CNST: variants seen among roughly 807,000 people sequenced by gnomAD.
CNST encodes consortin.
In CNST, 39 loss-of-function variants were observed where a neutral mutation model predicts 72.4. The observed-to-expected ratio is 0.54, with a 90% CI of 0.42 to 0.70. The LOEUF (loss-of-function observed/expected upper bound fraction) is 0.70, where lower values mean the gene tolerates loss of function less well. Ranked by LOEUF, CNST falls within the 30% of genes least tolerant of loss-of-function variation. CNST has a pLI of 0.00. For synonymous variants in CNST, 332 were observed against 320.1 expected (o/e 1.04, Z -0.40); for missense variants, 871 against 868.5 (o/e 1.00, Z -0.04).
At chr1:246,623,650 T>C (rs1664230770) in intron 3 of CNST, among the ~76,000 whole-genome samples, 1 of 152,012 alleles carries the variant, frequency 6.6e-6, no homozygotes, top group Non-Finnish European at 1.5e-5. Flanking sequence ...TAGTCCCAGC[T>C]ACTCGAGAGG....
intron 8 of CNST, 109 bp downstream of exon 8, chr1:246,642,146 T>C: frequency 3.2e-6 from 2 of 618,170 alleles, no homozygotes; most frequent in Non-Finnish European, 2.6e-6. Context: ...TTTTTTTTTT[T>C]TTTTTTTTGC....
intron 9 of CNST, among the ~76,000 whole-genome samples, chr1:246,657,388 AATG>A (rs1238363474): frequency 6.6e-6 from 1 of 152,174 alleles, no homozygotes; most frequent in Non-Finnish European, 1.5e-5. Flanking sequence ...ACTGAAAGGA[AATG>A]ATGGAAAAGA....
intron 1 of CNST, 196 bp downstream of exon 1, chr1:246,566,859 T>C: frequency 2.6e-6 from 1 of 391,400 alleles, no homozygotes; most frequent in Non-Finnish European, 4.5e-6. Flanking sequence ...CTTTCTCAGC[T>C]ACTGTGGGTC....
chr1:246,633,586 C>CA (rs979045400), intron 4 of CNST, among the ~76,000 whole-genome samples: 10 of 151,492 alleles, frequency 6.6e-5, no homozygotes, highest in African/African-American at 2.4e-4. Flanking sequence ...ACTAAAAATA[C>CA]AAAAAAATCA....
chr1:246,578,360 C>T (rs1660564949), intron 1 of CNST, among the ~76,000 whole-genome samples: 2 of 152,214 alleles, frequency 1.3e-5, no homozygotes, highest in African/African-American at 4.8e-5. Flanking sequence ...GAAAATGTTT[C>T]AGTGTGGATT....
At chr1:246,622,094 C>T (rs72762787) in intron 3 of CNST, among the ~76,000 whole-genome samples, 10,568 of 152,216 alleles carry the variant, frequency 0.069, 490 homozygotes, top group Middle Eastern at 0.16. Context: ...GGAGGGTGAC[C>T]CTCGTGGGAT....
chr1:246,659,759 T>C (rs1027522225), intron 9 of CNST, among the ~76,000 whole-genome samples: 4 of 152,350 alleles, frequency 2.6e-5, no homozygotes, highest in Admixed American at 2.6e-4. Context: ...TATTTTAAGC[T>C]TCATATGTTC....
At chr1:246,665,407 C>T (rs567608268) in intron 10 of CNST, among the ~76,000 whole-genome samples, 1 of 152,208 alleles carries the variant, frequency 6.6e-6, no homozygotes, top group Non-Finnish European at 1.5e-5. Flanking sequence ...TTCATTAATG[C>T]GTGCTATGAG....
At chr1:246,586,979 TAATAGCAGCGTG>T (rs1572132240) in intron 1 of CNST, among the ~76,000 whole-genome samples, 1 of 152,344 alleles carries the variant, frequency 6.6e-6, no homozygotes, top group East Asian at 1.9e-4. Context: ...CTTTGCCACA[TAATAGCAGCGTG>T]ACTGAGGCCT....
At position 246,665,690 on chromosome 1, in the gene CNST, A is replaced by G. The variant is rs749255251; in HGVS notation, c.1973-10A>G. The G allele has an allele frequency of 3.1e-6, 5 of 1,610,518 alleles. No individual in the cohort carries two copies. The highest frequency in any genetic ancestry group is 2.1e-4 in the Middle Eastern group (1 of 4,738). ...TGACAATGTAACCTCACTCTTTCTCATGTTTGCAGATGAAGTTGGAGGTGG... is the reference window on the plus strand; with the variant it reads ...TGACAATGTAACCTCACTCTTTCTCGTGTTTGCAGATGAAGTTGGAGGTGG... On this transcript the variant is annotated splice_polypyrimidine_tract_variant and intron_variant, in intron 10 of 10. Transcript: ENST00000366513.
At chr1:246,626,008 C>CAAAA (rs1664407833) in intron 3 of CNST, among the ~76,000 whole-genome samples, 1 of 151,804 alleles carries the variant, frequency 6.6e-6, no homozygotes, top group South Asian at 2.1e-4. Context: ...TTGGCTTTTA[C>CAAAA]CTCTTACATC....
chr1:246,661,290 G>A (rs920533192), intron 10 of CNST, among the ~76,000 whole-genome samples: 1 of 151,820 alleles, frequency 6.6e-6, no homozygotes, highest in Admixed American at 6.6e-5. Flanking sequence ...CTAGTTTTCT[G>A]TATTTTTAGT....
chr1:246,663,201 A>G (rs1329238280), intron 10 of CNST, among the ~76,000 whole-genome samples: 20 of 151,982 alleles, frequency 1.3e-4, no homozygotes, highest in Non-Finnish European at 2.9e-4. Context: ...CAAAAAATAC[A>G]GAAATTAGCA....
At chr1:246,660,827 A>T (rs1667060437) in intron 10 of CNST, among the ~76,000 whole-genome samples, 1 of 152,210 alleles carries the variant, frequency 6.6e-6, no homozygotes, top group Non-Finnish European at 1.5e-5. Context: ...AATCATTTCT[A>T]AATCTTTACT....
chr1:246,615,717 A>G (rs1487667654), intron 2 of CNST, among the ~76,000 whole-genome samples: 1 of 151,632 alleles, frequency 6.6e-6, no homozygotes, highest in Non-Finnish European at 1.5e-5. Flanking sequence ...CGTCTCTACT[A>G]AAAATACAAA....
intron 2 of CNST, among the ~76,000 whole-genome samples, chr1:246,595,988 T>C (rs1378698186): frequency 6.6e-6 from 1 of 152,166 alleles, no homozygotes; most frequent in Non-Finnish European, 1.5e-5. Flanking sequence ...TTTGTGTCAA[T>C]GGGTAAAACC....
chr1:246,654,318 C>A (rs1237561490), intron 9 of CNST, among the ~76,000 whole-genome samples: 2 of 152,212 alleles, frequency 1.3e-5, no homozygotes. Context: ...TTTCCACATA[C>A]CTATCTCTTC....
At chr1:246,645,984 TC>T (rs1204248744) in intron 8 of CNST, among the ~76,000 whole-genome samples, 2 of 151,998 alleles carry the variant, frequency 1.3e-5, no homozygotes, top group Non-Finnish European at 2.9e-5. Context: ...CTTTGCTACC[TC>T]CCTTTAAGAA....
chr1:246,566,871 C>T (rs1659730159), intron 1 of CNST: 2 of 387,828 alleles, frequency 5.2e-6, no homozygotes, highest in East Asian at 7.3e-5. Context: ...CTGTGGGTCT[C>T]CTATTGCTGC....
Sources: gnomAD v4.1 joint callset for allele counts (sites outside exome capture counted in the v4.1 genomes callset) on GRCh38, gnomAD v4.1.1 for gene constraint, MANE v1.5 for transcripts, NCBI Gene and HGNC (gene_info 2026-07-23, HGNC 2026-07-21) for gene names.